Variants in EYS observed in about 807,000 individuals in gnomAD.
The protein encoded by EYS is protein eyes shut homolog.
In EYS, 250 loss-of-function variants were observed where a neutral mutation model predicts 282.1. That is an observed-to-expected ratio of 0.89 (90% confidence interval 0.80 to 0.98). The LOEUF (loss-of-function observed/expected upper bound fraction) is 0.98, where lower values mean the gene tolerates loss of function less well. Ranked by LOEUF, EYS falls within the 50% of genes least tolerant of loss-of-function variation. EYS has a pLI of 0.00. For synonymous variants in EYS, 1,355 were observed against 1,282.9 expected (o/e 1.06, Z -1.20); for missense variants, 4,016 against 3,709.0 (o/e 1.08, Z -2.15).
chr6:65,628,301 A>G (rs538468961), intron 2 of EYS, among the ~76,000 whole-genome samples: 1 of 151,918 alleles, frequency 6.6e-6, no homozygotes, highest in South Asian at 2.1e-4. Flanking sequence ...TAACTAATCT[A>G]ATGGGGATGT....
At chr6:64,276,164 G>A (rs893124092) in intron 30 of EYS, among the ~76,000 whole-genome samples, 3 of 151,972 alleles carry the variant, frequency 2.0e-5, no homozygotes, top group Non-Finnish European at 2.9e-5. Context: ...TGTTGACTTC[G>A]AGATTGACAG....
chr6:64,456,854 G>C (rs7740343), intron 26 of EYS, among the ~76,000 whole-genome samples: 1 of 151,598 alleles, frequency 6.6e-6, no homozygotes, highest in Non-Finnish European at 1.5e-5. Context: ...AATTGTTAAG[G>C]CTATAAATTT....
chr6:64,661,573 G>C (rs1377505492), intron 22 of EYS, among the ~76,000 whole-genome samples: 13 of 151,830 alleles, frequency 8.6e-5, no homozygotes, highest in Non-Finnish European at 1.6e-4. Flanking sequence ...ATTGGGCGAA[G>C]GATATGAACA....
chr6:63,800,834 TA>T (rs1239999673), intron 37 of EYS, among the ~76,000 whole-genome samples: 38 of 152,122 alleles, frequency 2.5e-4, no homozygotes, highest in Admixed American at 2.5e-3. Flanking sequence ...CTGGAAGAGT[TA>T]AAGACTCAAA....
intron 31 of EYS, among the ~76,000 whole-genome samples, chr6:64,198,220 G>A (rs937857436): frequency 3.3e-5 from 5 of 151,280 alleles, no homozygotes; most frequent in Non-Finnish European, 7.4e-5. Flanking sequence ...TGTTTGCCAG[G>A]ATGGTCTAGA....
At chr6:65,066,992 T>G (rs886662318) in intron 12 of EYS, among the ~76,000 whole-genome samples, 2 of 152,164 alleles carry the variant, frequency 1.3e-5, no homozygotes, top group African/African-American at 4.8e-5. Context: ...TTACTAATTC[T>G]ACTTCTAATC....
chr6:65,102,915 T>G (rs1571841), intron 12 of EYS, among the ~76,000 whole-genome samples: 48,956 of 151,198 alleles, frequency 0.32, 8,314 homozygotes, highest in African/African-American at 0.4. Flanking sequence ...TTAAATTTGT[T>G]CAATTGCAGA....
intron 35 of EYS, among the ~76,000 whole-genome samples, chr6:63,984,146 G>C (rs1223793521): frequency 1.3e-5 from 2 of 151,744 alleles, no homozygotes; most frequent in Non-Finnish European, 2.9e-5. Flanking sequence ...ACCAGGTCTA[G>C]TTACCTAGTT....
chr6:64,469,267 A>AT (rs1284264856), intron 26 of EYS, among the ~76,000 whole-genome samples: 2 of 152,174 alleles, frequency 1.3e-5, no homozygotes, highest in African/African-American at 4.8e-5. Flanking sequence ...TCTAATAATA[A>AT]AACTAGGATG....
chr6:63,993,962 A>T (rs1346262576), intron 34 of EYS, among the ~76,000 whole-genome samples: 1 of 151,928 alleles, frequency 6.6e-6, no homozygotes, highest in African/African-American at 2.4e-5. Context: ...AACCAATGAA[A>T]CATAAGAGGC....
intron 22 of EYS, among the ~76,000 whole-genome samples, chr6:64,686,787 A>ATATGTGTATATATATATATG (rs1263403462): frequency 1.5e-4 from 2 of 12,980 alleles, no homozygotes; most frequent in African/African-American, 3.5e-4. Flanking sequence ...ATATATATAT[A>ATATGTGTATATATATATATG]TGTGTGTATA....
chr6:64,902,697 GT>G (rs1374847509), intron 16 of EYS, among the ~76,000 whole-genome samples, 197 bp from the exon 17 acceptor site: 5 of 152,116 alleles, frequency 3.3e-5, no homozygotes, highest in Admixed American at 1.3e-4. Context: ...AGATTAATGA[GT>G]TTAAATGAAA....
intron 33 of EYS, among the ~76,000 whole-genome samples, chr6:64,000,772 A>G (rs1296836300): frequency 1.3e-5 from 2 of 152,118 alleles, no homozygotes; most frequent in Non-Finnish European, 2.9e-5. Context: ...TGATCCTTCC[A>G]GTAAATTATT....
intron 26 of EYS, among the ~76,000 whole-genome samples, chr6:64,460,997 T>C (rs1006212431): frequency 2.6e-5 from 4 of 152,134 alleles, no homozygotes; most frequent in African/African-American, 9.7e-5. Context: ...AAAAAGTACA[T>C]GTAATATTAT....
rs1417468505 is a variant in EYS at position 64,181,465 on chromosome 6, T to C, written c.6424+49127A>G. On this transcript the variant is annotated intron_variant, in intron 31 of 42. Coordinates refer to ENST00000503581, the MANE Select transcript of EYS (RefSeq NM_001142800.2). ...CCCTGTAACAAAGTCCAAAATTTTC[T>C]ATTTTTGGTTTTCAAAACTACAGTA... Among the ~76,000 whole-genome samples the C allele has an allele frequency of 2.6e-5, 4 of 152,152 alleles. No individual in the cohort carries two copies. The East Asian group carries it at 5.8e-4, about 22-fold the overall frequency.
chr6:65,052,826 G>A (rs1323711819), intron 13 of EYS, among the ~76,000 whole-genome samples: 8 of 151,604 alleles, frequency 5.3e-5, no homozygotes, highest in South Asian at 2.1e-4. Flanking sequence ...AATTTGAAAG[G>A]GAGCCAGATT....
At chr6:64,825,788 C>T (rs1290201637) in intron 19 of EYS, among the ~76,000 whole-genome samples, 5 of 151,758 alleles carry the variant, frequency 3.3e-5, no homozygotes, top group African/African-American at 9.7e-5. Flanking sequence ...GACTTTGGTT[C>T]ACAATGATCT....
intron 2 of EYS, among the ~76,000 whole-genome samples, chr6:65,604,477 C>T (rs1765715589): frequency 6.6e-6 from 1 of 151,750 alleles, no homozygotes; most frequent in Admixed American, 6.6e-5. Context: ...AAAAGTAAAG[C>T]CATGAAATAC....
intron 33 of EYS, among the ~76,000 whole-genome samples, chr6:64,010,556 T>A (rs1185077193): frequency 6.6e-6 from 1 of 152,230 alleles, no homozygotes; most frequent in Non-Finnish European, 1.5e-5. Flanking sequence ...TCTAGAATGA[T>A]TCCTGTTCCA....
Sources: allele counts gnomAD v4.1 joint callset (sites outside exome capture counted in the v4.1 genomes callset), GRCh38; gene constraint gnomAD v4.1.1; transcripts MANE v1.5; gene names NCBI Gene and HGNC (gene_info 2026-07-23, HGNC 2026-07-21).